Variants in WDR7 observed in about 807,000 individuals in gnomAD.
WDR7 encodes WD repeat-containing protein 7.
Under a neutral mutation model 169.4 loss-of-function variants are expected in WDR7, and 46 were observed. The ratio of observed to expected loss-of-function variants is 0.27; its 90% CI spans 0.21 to 0.35. WDR7 has a LOEUF of 0.35. Among genes scored for constraint, WDR7 ranks in the 10% least tolerant of loss-of-function variants. The pLI is 1.00. For missense variants in WDR7, 1,534 were observed against 1,859.3 expected (o/e 0.83, Z 3.22); for synonymous variants, 612 against 666.8 (o/e 0.92, Z 1.27).
At chr18:56,894,488 T>C (rs1056324459) in intron 21 of WDR7, among the ~76,000 whole-genome samples, 1 of 152,032 alleles carries the variant, frequency 6.6e-6, no homozygotes, top group Non-Finnish European at 1.5e-5. Flanking sequence ...TTTCAAGCAG[T>C]TGCTCAATTT....
intron 21 of WDR7, among the ~76,000 whole-genome samples, chr18:56,902,644 T>C (rs1159872881): frequency 6.6e-6 from 1 of 152,170 alleles, no homozygotes; most frequent in Non-Finnish European, 1.5e-5. Flanking sequence ...TGGTCAAATA[T>C]TGGCTATTTC....
intron 19 of WDR7, among the ~76,000 whole-genome samples, chr18:56,808,414 A>T (rs1162183695): frequency 6.6e-6 from 1 of 152,182 alleles, no homozygotes; most frequent in Non-Finnish European, 1.5e-5. Context: ...TTTCAATCTC[A>T]GTGGAAATCT....
In WDR7 at chr18:56,679,317, T is replaced by C. The variant is rs2025309526; in HGVS notation, c.160-15T>C. The C allele has an allele frequency of 6.3e-7, 1 of 1,594,950 alleles. No individual in the cohort carries two copies. Among genetic ancestry groups the C allele is most frequent in the Admixed American group, 1.7e-5 (1 of 59,674 alleles). ...TAAGTTTGGTACTTAAACTAGCATA[T>C]TTTTGCATTTCTAGATTAATCCTCG... is the stretch of plus-strand genomic sequence containing the variant. On this transcript the variant is annotated splice_polypyrimidine_tract_variant and intron_variant, in intron 2 of 27. Transcript: ENST00000254442.
Position 56,939,323 on chromosome 18 carries a change from A to G in WDR7, c.3994A>G (p.Ile1332Val). 2 of 1,547,896 alleles carry G rather than the reference A, an allele frequency of 1.3e-6. No individual in the cohort carries two copies. The highest frequency in any genetic ancestry group is 1.7e-6 in the Non-Finnish European group (2 of 1,147,506). ...VDLLVEVMDI[I>V]MYCLEGSLVK... The stretch of plus-strand genomic sequence containing the variant: ...TTTTCTGTCAAAGGTTATGGACATC[A>G]TTATGTACTGCCTTGAAGGATCTTT... Residue 1332 changes from isoleucine to valine, a missense_variant, in exon 25 of 28, where the codon ATT (isoleucine) becomes GTT (valine). Ile to Val is a conservative substitution (Grantham distance 29). Transcript: ENST00000254442.
At chr18:56,790,697 T>C (rs1191786432) in intron 19 of WDR7, among the ~76,000 whole-genome samples, 7 of 152,162 alleles carry the variant, frequency 4.6e-5, no homozygotes, top group Admixed American at 6.5e-5. Flanking sequence ...TTAGTGATAT[T>C]GTCCTAATGA....
intron 26 of WDR7, among the ~76,000 whole-genome samples, chr18:56,981,783 G>A (rs2047648277): frequency 6.6e-6 from 1 of 152,126 alleles, no homozygotes; most frequent in Non-Finnish European, 1.5e-5. Flanking sequence ...TGGCAGCAGT[G>A]GACTAAGTAG....
chr18:56,719,354 G>A (rs948339585), intron 13 of WDR7, among the ~76,000 whole-genome samples: 3 of 152,056 alleles, frequency 2.0e-5, no homozygotes, highest in African/African-American at 7.2e-5. Flanking sequence ...ACGAGGTCAG[G>A]AGATCAAGAC....
chr18:57,025,371 A>G (rs1444372697), intron 27 of WDR7, among the ~76,000 whole-genome samples: 5 of 152,212 alleles, frequency 3.3e-5, no homozygotes, highest in Admixed American at 2.6e-4. Flanking sequence ...TAAGCTCATC[A>G]TCATTATTTA....
intron 20 of WDR7, among the ~76,000 whole-genome samples, chr18:56,874,329 C>A (rs2045994251): frequency 6.6e-6 from 1 of 151,872 alleles, no homozygotes; most frequent in Non-Finnish European, 1.5e-5. Flanking sequence ...CCTTTAGTTA[C>A]CATAGCTATC....
intron 3 of WDR7, 38 bp from the exon 4 acceptor site, chr18:56,681,275 A>T: frequency 7.3e-7 from 1 of 1,369,280 alleles, no homozygotes. Context: ...GTGCTTTAAA[A>T]AGTCACACTC....
At chr18:56,991,534 C>T (rs1347173062) in intron 26 of WDR7, among the ~76,000 whole-genome samples, 1 of 152,072 alleles carries the variant, frequency 6.6e-6, no homozygotes, top group Non-Finnish European at 1.5e-5. Flanking sequence ...GATTGCCTAA[C>T]CCTGTTGGGG....
intron 26 of WDR7, among the ~76,000 whole-genome samples, chr18:56,974,304 T>G (rs2145810908): frequency 6.6e-6 from 1 of 152,142 alleles, no homozygotes; most frequent in South Asian, 2.1e-4. Flanking sequence ...TTGCCTTGTC[T>G]TGTCCTTTCC....
intron 20 of WDR7, among the ~76,000 whole-genome samples, chr18:56,850,981 C>T (rs547685409): frequency 6.6e-6 from 1 of 152,242 alleles, no homozygotes; most frequent in African/African-American, 2.4e-5. Context: ...TGTTGGTTCT[C>T]TCTATTAAAT....
At chr18:56,913,641 A>G (rs895700885) in intron 21 of WDR7, among the ~76,000 whole-genome samples, 1 of 86,828 alleles carries the variant, frequency 1.2e-5, no homozygotes, top group African/African-American at 3.9e-5. Flanking sequence ...AAAAAAAAAA[A>G]AAAATTAGCC....
chr18:56,889,085 C>T (rs76656692), intron 21 of WDR7, among the ~76,000 whole-genome samples: 1,816 of 152,244 alleles, frequency 0.012, 42 homozygotes, highest in African/African-American at 0.042. Context: ...GATAAGGCAG[C>T]TTTCCTTATC....
Position 56,757,424 on chromosome 18 carries a change from A to T in WDR7, c.2759+72A>T, listed in dbSNP as rs112432958. 20 of 1,427,388 alleles carry T rather than the reference A, an allele frequency of 1.4e-5. No individual in the cohort carries two copies. In the African/African-American group the frequency reaches 1.7e-4, roughly 12 times the overall value. The allele number at this position is 1,427,388 out of a possible 1,614,324, so 88.4% of individuals were successfully genotyped here. A position where few individuals can be genotyped will look rare whatever the true frequency, so the allele number is the denominator to read the frequency against. On this transcript the variant is annotated intron_variant, in intron 15 of 27. Transcript: ENST00000254442. ...AACCTGTTTTATTTTTTCATTGTTGATTACTCTTTTTTGGCTCTACACAAT... is the reference window on the plus strand; with the variant it reads ...AACCTGTTTTATTTTTTCATTGTTGTTTACTCTTTTTTGGCTCTACACAAT...
At chr18:56,818,986 A>G (rs1168120359) in intron 20 of WDR7, among the ~76,000 whole-genome samples, 1 of 152,200 alleles carries the variant, frequency 6.6e-6, no homozygotes, top group East Asian at 1.9e-4. Context: ...GTATAGTTGT[A>G]TTACTTTTAT....
At chr18:56,971,871 A>G (rs867964110) in intron 26 of WDR7, among the ~76,000 whole-genome samples, 28 of 152,348 alleles carry the variant, frequency 1.8e-4, no homozygotes, top group Middle Eastern at 6.8e-3. Flanking sequence ...TAATATGGGG[A>G]ATTTCACAAA....
chr18:56,749,997 C>T (rs2144900971), intron 14 of WDR7, among the ~76,000 whole-genome samples: 1 of 151,032 alleles, frequency 6.6e-6, no homozygotes, highest in South Asian at 2.1e-4. Context: ...CTGGAGGCTA[C>T]TGTGTATGGG....
Sources: allele counts gnomAD v4.1 joint callset (sites outside exome capture counted in the v4.1 genomes callset), GRCh38; gene constraint gnomAD v4.1.1; transcripts MANE v1.5; gene names NCBI Gene and HGNC (gene_info 2026-07-23, HGNC 2026-07-21).